PPL: variants seen among roughly 807,000 people sequenced by gnomAD.
The protein encoded by PPL is 190 kDa paraneoplastic pemphigus antigen.
PPL carries 198 observed loss-of-function variants against 194.4 expected under a neutral mutation model. The observed-to-expected ratio is 1.02, with a 90% CI of 0.91 to 1.15. The LOEUF (loss-of-function observed/expected upper bound fraction) is 1.15, where lower values mean the gene tolerates loss of function less well. Among genes scored for constraint, PPL ranks in the 50% most tolerant of loss-of-function variants. The pLI is 0.00. For synonymous variants in PPL, 1,220 were observed against 972.4 expected (o/e 1.25, Z -4.74); for missense variants, 2,885 against 2,294.8 (o/e 1.26, Z -5.25).
intron 1 of PPL, among the ~76,000 whole-genome samples, chr16:4,917,836 A>G (rs1435058074): frequency 6.6e-6 from 1 of 152,078 alleles, no homozygotes; most frequent in Non-Finnish European, 1.5e-5. Flanking sequence ...CAGGGGGTTG[A>G]GGCTGCAGTG....
rs146564793 is a variant in PPL at position 4,883,839 on chromosome 16, T to A, written c.4816A>T (p.Thr1606Ser). 74 of 1,613,998 alleles carry A rather than the reference T, an allele frequency of 4.6e-5. No individual in the cohort carries two copies. Among genetic ancestry groups the A allele is most frequent in the Admixed American group, 1.0e-4 (6 of 60,006 alleles). Reference sequence around the variant, plus strand: ...GACCACAGTCTGGAGTCATGGTTGGTCCCAGAGTCCGCCACGGTCATGTTC... The same window carrying A: ...GACCACAGTCTGGAGTCATGGTTGGACCCAGAGTCCGCCACGGTCATGTTC... ...LRNMTVADSG[T>S]NHDSRLWSLE... The change falls in exon 22 of 22, where the codon ACC becomes TCC. Residue 1606 changes from threonine (T) to serine (S), a missense_variant. Physicochemically the swap from Thr to Ser is moderately conservative, Grantham distance 58 (BLOSUM62 1). Transcript: ENST00000345988. This position sits in a 1 kb window ranked among gnomAD's most constrained non-coding sequence, Gnocchi z 4.8.
intron 1 of PPL, among the ~76,000 whole-genome samples, chr16:4,936,032 C>G (rs969253661): frequency 6.6e-6 from 1 of 152,190 alleles, no homozygotes. Context: ...TGGATTCCCA[C>G]CCCCTCCGTC....
chr16:4,887,309 G>A (rs1279835942), intron 20 of PPL, 82 bp from the exon 21 acceptor site: 18 of 1,058,784 alleles, frequency 1.7e-5, no homozygotes, highest in African/African-American at 3.1e-5. Flanking sequence ...GCGTGGACGT[G>A]GTTCTTGAGA....
chr16:4,894,646 A>G, intron 11 of PPL, 28 bp from the exon 12 acceptor site: 1 of 1,606,890 alleles, frequency 6.2e-7, no homozygotes, highest in Non-Finnish European at 8.5e-7. Context: ...GACAGTCAGG[A>G]TCCCGGCAGG....
chr16:4,903,098 G>C (rs960258676), intron 3 of PPL, among the ~76,000 whole-genome samples: 1 of 152,204 alleles, frequency 6.6e-6, no homozygotes, highest in African/African-American at 2.4e-5. Flanking sequence ...GTTTTCTGGA[G>C]TCTGCCATCC....
Position 4,887,174 on chromosome 16 carries a change from CCT to C in PPL, c.2566_2567del (p.Arg856AlafsTer22). ...TCAGAGCAAACTCCAGATTCTGCAG[CCT>C]CTGTCTGTTGATGGCATAAACTTCA... is the stretch of plus-strand genomic sequence containing the variant. ...FTEVYAINRQ[R>X]LQNLEFALNL... On this transcript the variant is annotated frameshift_variant, in exon 21 of 22. Coordinates refer to ENST00000345988, the MANE Select transcript of PPL (RefSeq NM_002705.5). LOFTEE classifies it high-confidence loss of function. The C allele has an allele frequency of 1.2e-6, 2 of 1,614,164 alleles. No individual in the cohort carries two copies. Among genetic ancestry groups the C allele is most frequent in the Non-Finnish European group, 1.7e-6 (2 of 1,179,990 alleles).
At chr16:4,888,549 C>G (rs1249571711) in intron 19 of PPL, among the ~76,000 whole-genome samples, 5 of 152,186 alleles carry the variant, frequency 3.3e-5, no homozygotes, top group African/African-American at 1.2e-4. Context: ...TCTCACCTTG[C>G]CACCACCTCT....
chr16:4,905,808 C>T (rs2088670102), intron 2 of PPL, among the ~76,000 whole-genome samples: 1 of 152,146 alleles, frequency 6.6e-6, no homozygotes, highest in African/African-American at 2.4e-5. Flanking sequence ...GCTGATGTCC[C>T]GAAAAGCCGC....
Position 4,890,824 on chromosome 16 carries a change from C to G in PPL, c.2066G>C (p.Arg689Pro). 6.3e-7 allele frequency: 1 copy of G among 1,587,338 alleles called. No individual in the cohort carries two copies. Among genetic ancestry groups the G allele is most frequent in the Non-Finnish European group, 8.6e-7 (1 of 1,167,178 alleles). The change falls in exon 17 of 22, where the codon CGC becomes CCC. Residue 689 changes from arginine to proline, a missense_variant. Transcript: ENST00000345988. ...CAGGTCCGGACAGTGCTCCTGGAAGCGGCTGGCCAGTGTGCTCGAGCACTG... is the reference window on the plus strand; with the variant it reads ...CAGGTCCGGACAGTGCTCCTGGAAGGGGCTGGCCAGTGTGCTCGAGCACTG... The part of the protein sequence containing the change: ...AKQCSSTLAS[R>P]FQEHCPDLER...
intron 2 of PPL, among the ~76,000 whole-genome samples, chr16:4,908,279 G>C (rs767159627): frequency 4.6e-5 from 7 of 151,990 alleles, no homozygotes; most frequent in Non-Finnish European, 8.8e-5. Flanking sequence ...GATGGCTTGA[G>C]GCCAGGAGTT....
chr16:4,926,689 C>A (rs2089159470), intron 1 of PPL, among the ~76,000 whole-genome samples: 1 of 152,080 alleles, frequency 6.6e-6, no homozygotes, highest in South Asian at 2.1e-4. Flanking sequence ...TCCTGGCTAA[C>A]ATGGTGAAAC....
At position 4,898,865 on chromosome 16, in the gene PPL, C is replaced by G. The variant is rs910919511; in HGVS notation, c.876+148G>C. 1.4e-5 allele frequency: 9 copies of G among 655,346 alleles called. No homozygotes were observed. In the African/African-American group the frequency reaches 1.6e-4, roughly 12 times the overall value. The allele number at this position is 655,346 out of a possible 1,614,324, so 40.6% of individuals were successfully genotyped here. A position where few individuals can be genotyped will look rare whatever the true frequency, so the allele number is the denominator to read the frequency against. Reference sequence around the variant, plus strand: ...TCAGGATAAATGGAGGAGGCAGAGTCAGACACAGCAAGAAAGAGACAGACA... The same window carrying G: ...TCAGGATAAATGGAGGAGGCAGAGTGAGACACAGCAAGAAAGAGACAGACA... On this transcript the variant is annotated intron_variant, in intron 8 of 21. Coordinates refer to ENST00000345988, the MANE Select transcript of PPL (RefSeq NM_002705.5).
chr16:4,912,850 T>A (rs2088845223), intron 1 of PPL, among the ~76,000 whole-genome samples: 1 of 152,154 alleles, frequency 6.6e-6, no homozygotes, highest in Non-Finnish European at 1.5e-5. Context: ...ATACCTGTAA[T>A]CCCAGCACTT....
At chr16:4,912,631 T>A (rs2088840143) in intron 1 of PPL, among the ~76,000 whole-genome samples, 1 of 152,276 alleles carries the variant, frequency 6.6e-6, no homozygotes, top group Non-Finnish European at 1.5e-5. Context: ...TCTCCCCATT[T>A]TAATCAGAAA....
In PPL at chr16:4,916,426, G is replaced by A. The variant is rs200204145; in HGVS notation, c.63-5477C>T. 3.0e-4 allele frequency among the ~76,000 whole-genome samples: 45 copies of A among 152,158 alleles called. No individual in the cohort carries two copies. The East Asian group carries it at 8.3e-3, about 28-fold the overall frequency. ...GGGGTTTTGCCATGTTGGCCAGGCTGGTCTCGAACTCCTGACCTCAGGTGA... is the reference window on the plus strand; with the variant it reads ...GGGGTTTTGCCATGTTGGCCAGGCTAGTCTCGAACTCCTGACCTCAGGTGA... On this transcript the variant is annotated intron_variant, in intron 1 of 21. Transcript: ENST00000345988.
At chr16:4,906,325 C>T (rs1300597750) in intron 2 of PPL, among the ~76,000 whole-genome samples, 1 of 152,140 alleles carries the variant, frequency 6.6e-6, no homozygotes, top group Non-Finnish European at 1.5e-5. Context: ...CCCGGATTCA[C>T]ACCATTATCC....
intron 2 of PPL, among the ~76,000 whole-genome samples, chr16:4,909,143 C>A (rs562555695): frequency 6.2e-4 from 94 of 152,234 alleles, no homozygotes; most frequent in Non-Finnish European, 1.1e-3. Flanking sequence ...GGGCAAGGCC[C>A]ACTCCTGGGG....
At chr16:4,886,218 GT>G (rs2088217437) in intron 21 of PPL, among the ~76,000 whole-genome samples, 171 bp from the exon 22 acceptor site, 1 of 143,446 alleles carries the variant, frequency 7.0e-6, no homozygotes, top group African/African-American at 3.0e-5. Context: ...CAAACAACTA[GT>G]TTGGGGTTTT....
In PPL at chr16:4,885,606, G is replaced by A; in HGVS notation, c.3049C>T (p.Leu1017=). 1 of 1,612,292 alleles carries A rather than the reference G, an allele frequency of 6.2e-7. No homozygotes were observed. ...CCCTTCTGCCGCCTCAGTGCCTCCA[G>A]CTCCTCCCGCAGCTGCAAGACCTCA... is the stretch of plus-strand genomic sequence containing the variant. ...ADEVLQLREE[L]EALRRQKGAR... The change falls in exon 22 of 22, where the codon CTG becomes TTG. Residue 1017 remains leucine, a synonymous_variant. Coordinates refer to ENST00000345988, the MANE Select transcript of PPL (RefSeq NM_002705.5). The surrounding 1 kb of genome is among the most constrained non-coding windows in gnomAD (Gnocchi z 6.3).
Sources: gnomAD v4.1 joint callset for allele counts (sites outside exome capture counted in the v4.1 genomes callset) on GRCh38, gnomAD v4.1.1 for gene constraint, Gnocchi (gnomAD v3.1) non-coding constraint, MANE v1.5 for transcripts, NCBI Gene and HGNC (gene_info 2026-07-23, HGNC 2026-07-21) for gene names.